The following TAB2 variants were observed in gnomAD, a reference collection of about 807,000 sequenced individuals.
TAB2 encodes the protein TGF-beta-activated kinase 1 and MAP3K7-binding protein 2.
In TAB2, 3 loss-of-function variants were observed where a neutral mutation model predicts 65.0. That is an observed-to-expected ratio of 0.05 (90% confidence interval 0.02 to 0.12). The LOEUF (loss-of-function observed/expected upper bound fraction) is 0.12, where lower values mean the gene tolerates loss of function less well. Among genes scored for constraint, TAB2 ranks in the 10% least tolerant of loss-of-function variants. The pLI is 1.00. For synonymous variants in TAB2, 298 were observed against 285.1 expected, an observed-to-expected ratio of 1.05 and a Z score of -0.46; for missense variants, 623 against 840.3, an observed-to-expected ratio of 0.74 and a Z score of 3.20.
chr6:149,228,916 C>A (rs1347490666), intron 1 of TAB2, among the ~76,000 whole-genome samples: 1 of 152,140 alleles, frequency 6.6e-6, no homozygotes, highest in Non-Finnish European at 1.5e-5. Context: ...CACATACATG[C>A]TCAGAGAATC....
At chr6:149,403,248 AT>A (rs759300902) in intron 6 of TAB2, among the ~76,000 whole-genome samples, 10,998 of 30,390 alleles carry the variant, frequency 0.36, 1,405 homozygotes, top group East Asian at 0.67. Context: ...AAAAAAAAAA[AT>A]ATATATATAT....
In TAB2 at chr6:149,356,825, T is replaced by G. The variant is rs1212958678; in HGVS notation, c.-89-13084T>G. On this transcript the variant is annotated intron_variant, in intron 1 of 6. Coordinates refer to ENST00000637181, the MANE Select transcript of TAB2 (RefSeq NM_001292034.3). The stretch of plus-strand genomic sequence containing the variant: ...GTATTCACTCTTGTAGTGTGGAATT[T>G]AGGATTTTGTTTTTGTTTGGTTTGA... Among the ~76,000 whole-genome samples, 142 of 152,354 alleles carry G rather than the reference T, an allele frequency of 9.3e-4. 1 individual carries two copies. The highest frequency in any genetic ancestry group is 1.3e-4 in the Non-Finnish European group (9 of 68,028).
At chr6:149,368,624 A>G (rs1225719976) in intron 1 of TAB2, among the ~76,000 whole-genome samples, 2 of 149,850 alleles carry the variant, frequency 1.3e-5, no homozygotes, top group Admixed American at 6.7e-5. Flanking sequence ...TTATAGAAAC[A>G]CTACTTTTGA....
intron 3 of TAB2, among the ~76,000 whole-genome samples, chr6:149,388,957 T>C (rs1407704892): frequency 4.8e-5 from 7 of 145,572 alleles, no homozygotes. Context: ...CAGAAATCTT[T>C]TTTTTTTTTT....
At chr6:149,346,822 T>TA (rs750968409) in intron 1 of TAB2, among the ~76,000 whole-genome samples, 2 of 152,210 alleles carry the variant, frequency 1.3e-5, no homozygotes, top group Non-Finnish European at 2.9e-5. Context: ...ACCAACTTAT[T>TA]AAAATTTCTA....
At chr6:149,259,706 T>C (rs191122078) in intron 1 of TAB2, among the ~76,000 whole-genome samples, 65 of 152,284 alleles carry the variant, frequency 4.3e-4, no homozygotes, top group Non-Finnish European at 1.6e-4. Context: ...AAATGTGTTA[T>C]TTGCCACCTT....
intron 1 of TAB2, among the ~76,000 whole-genome samples, chr6:149,285,833 G>T (rs1026590871): frequency 7.2e-5 from 11 of 152,132 alleles, no homozygotes; most frequent in Admixed American, 3.3e-4. Context: ...AACATGGATT[G>T]CTGGCACCTC....
chr6:149,399,088 T>C lies in TAB2; in HGVS notation c.1859-16T>C. On this transcript the variant is annotated splice_polypyrimidine_tract_variant and intron_variant, in intron 5 of 6. Coordinates refer to ENST00000637181, the MANE Select transcript of TAB2 (RefSeq NM_001292034.3). ...GAGCTATAAGCATTGATATATTTAC[T>C]TTTTATATATTTCAGGACCACATTT... 6.2e-7 allele frequency: 1 copy of C among 1,604,794 alleles called. No homozygotes were observed. The highest frequency in any genetic ancestry group is 8.5e-7 in the Non-Finnish European group (1 of 1,171,982).
intron 2 of TAB2, 78 bp downstream of exon 2, chr6:149,370,177 G>T: frequency 8.2e-7 from 1 of 1,224,868 alleles, no homozygotes; most frequent in Admixed American, 1.8e-5. Flanking sequence ...ACTCTTTTAG[G>T]TTATCTTCTT....
In TAB2 at chr6:149,309,403, C is replaced by CTTTTTTT. The variant is rs565648269; in HGVS notation, c.-120-68606_-120-68600dup. Among the ~76,000 whole-genome samples, 989 of 141,124 alleles carry CTTTTTTT rather than the reference C, an allele frequency of 7.0e-3. 21 individuals carry two copies. Among genetic ancestry groups the CTTTTTTT allele is most frequent in the African/African-American group, 0.025 (949 of 37,240 alleles). 92.6% of individuals were successfully genotyped at this position (141,124 alleles called of 152,430 possible). ...CCCCACCCCAACACCAATAATTCCTCTTTTTTTTTTTTTTTGAGACAGAGG... is the reference window on the plus strand; with the variant it reads ...CCCCACCCCAACACCAATAATTCCTCTTTTTTTTTTTTTTTTTTTTTTGAGACAGAGG... On this transcript the variant is annotated intron_variant, in intron 1 of 1. Transcript: ENST00000606202.
intron 1 of TAB2, among the ~76,000 whole-genome samples, chr6:149,307,821 CA>C (rs1182933887): frequency 1.3e-5 from 2 of 152,044 alleles, no homozygotes; most frequent in Non-Finnish European, 2.9e-5. Flanking sequence ...AAAATACCAC[CA>C]AAAAGGTACA....
At chr6:149,374,290 G>A (rs1371368518) in intron 2 of TAB2, among the ~76,000 whole-genome samples, 1 of 152,170 alleles carries the variant, frequency 6.6e-6, no homozygotes, top group Non-Finnish European at 1.5e-5. Flanking sequence ...GATGATCATG[G>A]CTTACTGCAG....
At chr6:149,382,039 T>C (rs1781628464) in intron 3 of TAB2, among the ~76,000 whole-genome samples, 2 of 152,174 alleles carry the variant, frequency 1.3e-5, no homozygotes, top group Admixed American at 6.5e-5. Context: ...ATCATATCAC[T>C]TCTCTGCACA....
At chr6:149,288,943 C>T (rs1037714123) in intron 1 of TAB2, among the ~76,000 whole-genome samples, 5 of 150,472 alleles carry the variant, frequency 3.3e-5, no homozygotes, top group Admixed American at 2.0e-4. Flanking sequence ...CTGCAACCTC[C>T]ATCGCCTGGG....
chr6:149,408,406 G>A (rs907369215), intron 6 of TAB2, among the ~76,000 whole-genome samples: 2 of 152,174 alleles, frequency 1.3e-5, no homozygotes, highest in Non-Finnish European at 1.5e-5. Flanking sequence ...TGTACAATGA[G>A]TAAGAAAGGT....
intron 1 of TAB2, among the ~76,000 whole-genome samples, chr6:149,284,352 G>A (rs1024170774): frequency 6.6e-6 from 1 of 152,056 alleles, no homozygotes; most frequent in Non-Finnish European, 1.5e-5. Context: ...CTTTCCCCAA[G>A]GTAGGCAAGG....
chr6:149,281,241 G>C (rs576818654), intron 1 of TAB2, among the ~76,000 whole-genome samples: 4 of 152,134 alleles, frequency 2.6e-5, no homozygotes, highest in Non-Finnish European at 4.4e-5. Context: ...GAAAGACAGG[G>C]AGAAGTAGAA....
At chr6:149,240,701 C>T (rs1777581221) in intron 1 of TAB2, among the ~76,000 whole-genome samples, 1 of 152,044 alleles carries the variant, frequency 6.6e-6, no homozygotes, top group East Asian at 1.9e-4. Flanking sequence ...ATATAATGAA[C>T]ATGTTTTAAG....
chr6:149,291,401 G>A (rs1778774124), intron 1 of TAB2: 1 of 152,266 alleles, frequency 6.6e-6, no homozygotes, highest in African/African-American at 2.4e-5. Context: ...CAGAGGCTAA[G>A]GTGAGAGGAT....
Sources: allele counts gnomAD v4.1 joint callset (sites outside exome capture counted in the v4.1 genomes callset), GRCh38; gene constraint gnomAD v4.1.1; transcripts MANE v1.5; gene names NCBI Gene and HGNC (gene_info 2026-07-23, HGNC 2026-07-21).